NCOA7: variants seen among roughly 807,000 people sequenced by gnomAD.
The protein encoded by NCOA7 is nuclear receptor coactivator 7.
NCOA7 carries 45 observed loss-of-function variants against 104.3 expected under a neutral mutation model. The observed-to-expected ratio is 0.43, with a 90% CI of 0.34 to 0.55. The LOEUF (loss-of-function observed/expected upper bound fraction) is 0.55. NCOA7 is among the 20% of genes least tolerant of loss of function. The pLI is 0.02. For missense variants in NCOA7, 1,041 were observed against 1,119.7 expected (o/e 0.93, Z 1.00); for synonymous variants, 398 against 402.3 (o/e 0.99, Z 0.13).
At chr6:125,829,980 A>G (rs998407136) in intron 2 of NCOA7, among the ~76,000 whole-genome samples, 8 of 152,190 alleles carry the variant, frequency 5.3e-5, no homozygotes, top group South Asian at 2.1e-4. Flanking sequence ...GTGGGCTACC[A>G]TGCTAGGTTT....
At chr6:125,892,238 A>G (rs147270950) in intron 10 of NCOA7, among the ~76,000 whole-genome samples, 519 of 152,248 alleles carry the variant, frequency 3.4e-3, no homozygotes, top group African/African-American at 0.012. Context: ...GTTTTTTTCA[A>G]TTGTGTTATC....
At chr6:125,898,355 A>G (rs1008265783) in intron 10 of NCOA7, among the ~76,000 whole-genome samples, 2 of 152,192 alleles carry the variant, frequency 1.3e-5, no homozygotes, top group African/African-American at 2.4e-5. Flanking sequence ...AGATCATCCC[A>G]TGTTATCTTC....
At chr6:125,895,965 A>ATG (rs61017866) in intron 10 of NCOA7, among the ~76,000 whole-genome samples, 3,024 of 146,068 alleles carry the variant, frequency 0.021, 112 homozygotes, top group Admixed American at 0.11. Context: ...ATATGTATAT[A>ATG]TGTGTGTGTG....
At chr6:125,831,900 C>T (rs983757987) in intron 2 of NCOA7, among the ~76,000 whole-genome samples, 4 of 152,188 alleles carry the variant, frequency 2.6e-5, no homozygotes, top group South Asian at 2.1e-4. Context: ...TGTGCCTTCT[C>T]GCCATCCCCT....
chr6:125,888,387 G>A (rs1004019891), intron 8 of NCOA7, among the ~76,000 whole-genome samples: 27 of 152,200 alleles, frequency 1.8e-4, no homozygotes, highest in African/African-American at 6.0e-4. Flanking sequence ...ATGATTAGAA[G>A]CATCAGATCC....
Position 125,878,353 on chromosome 6 carries a change from A to G in NCOA7, c.442A>G (p.Thr148Ala). The G allele has an allele frequency of 6.2e-7, 1 of 1,610,476 alleles. No homozygotes were observed. Among genetic ancestry groups the G allele is most frequent in the South Asian group, 1.1e-5 (1 of 90,440 alleles). ...LVELNKLFTH[T>A]IVPGQVLFVP... ...GGAACTGAATAAACTTTTCACACAT[A>G]CTATTGTTCCAGGCCAGGTAATTAT... The change falls in exon 5 of 16, where the codon ACT (threonine) becomes GCT (alanine). Residue 148 changes from threonine to alanine, a missense_variant. This residue lies in a region of NCOA7 where 914 missense variants were observed against 942.7 expected (regional missense o/e 0.97). Transcript: ENST00000392477.
At chr6:125,812,564 A>G (rs1777127532) in intron 1 of NCOA7, among the ~76,000 whole-genome samples, 1 of 152,162 alleles carries the variant, frequency 6.6e-6, no homozygotes, top group African/African-American at 2.4e-5. Context: ...TCATCATCAT[A>G]TTGTTTTTTC....
chr6:125,794,944 G>A (rs776807418), intron 1 of NCOA7, among the ~76,000 whole-genome samples: 2 of 151,588 alleles, frequency 1.3e-5, no homozygotes, highest in African/African-American at 2.4e-5. Flanking sequence ...TCTGACCTTC[G>A]CGTCAGTGAT....
chr6:125,810,527 A>G (rs1776892287), intron 1 of NCOA7, among the ~76,000 whole-genome samples: 1 of 152,212 alleles, frequency 6.6e-6, no homozygotes, highest in Non-Finnish European at 1.5e-5. Flanking sequence ...AGAAGTCAGC[A>G]TTTAGATGAG....
chr6:125,870,835 A>C (rs1231435156), intron 3 of NCOA7, among the ~76,000 whole-genome samples: 1 of 152,162 alleles, frequency 6.6e-6, no homozygotes, highest in Non-Finnish European at 1.5e-5. Context: ...ACTTATGGAC[A>C]GGGCACCAAG....
intron 10 of NCOA7, among the ~76,000 whole-genome samples, chr6:125,914,500 A>G (rs1299736595): frequency 6.6e-6 from 1 of 152,206 alleles, no homozygotes; most frequent in Non-Finnish European, 1.5e-5. Flanking sequence ...TTGCAATTTT[A>G]TGTAATTATA....
chr6:125,905,631 TA>T (rs1448274241), intron 10 of NCOA7, among the ~76,000 whole-genome samples: 3 of 152,010 alleles, frequency 2.0e-5, no homozygotes, highest in African/African-American at 7.2e-5. Flanking sequence ...ACAAAGGGCA[TA>T]TACAGAAAGG....
At chr6:125,787,901 T>C (rs1196314055), upstream of NCOA7, among the ~76,000 whole-genome samples, 1 of 152,224 alleles carries the variant, frequency 6.6e-6, no homozygotes, top group Non-Finnish European at 1.5e-5. Flanking sequence ...ATATCCACCC[T>C]ATAAAGTTGG....
At chr6:125,917,135 A>G (rs536750577) in intron 11 of NCOA7, among the ~76,000 whole-genome samples, 27 of 150,186 alleles carry the variant, frequency 1.8e-4, no homozygotes, top group Admixed American at 7.2e-4. Flanking sequence ...ATTTTAAAAA[A>G]CTGAATCCTA....
intron 5 of NCOA7, among the ~76,000 whole-genome samples, chr6:125,879,503 A>T (rs1015765350): frequency 6.6e-6 from 1 of 152,144 alleles, no homozygotes; most frequent in Non-Finnish European, 1.5e-5. Context: ...ATCAGTCCTC[A>T]TCTTATATCC....
chr6:125,894,006 CA>C (rs1167006727), intron 10 of NCOA7, among the ~76,000 whole-genome samples: 3 of 152,294 alleles, frequency 2.0e-5, no homozygotes, highest in Admixed American at 6.5e-5. Context: ...GCAGTTTCCA[CA>C]ACTCTACTTA....
intron 1 of NCOA7, among the ~76,000 whole-genome samples, chr6:125,812,627 C>G (rs562142897): frequency 6.6e-6 from 1 of 152,210 alleles, no homozygotes; most frequent in Non-Finnish European, 1.5e-5. Flanking sequence ...TTCCTTTCCT[C>G]TAGCCTTCAC....
chr6:125,860,291 G>A (rs1781929869), intron 3 of NCOA7, among the ~76,000 whole-genome samples: 2 of 152,064 alleles, frequency 1.3e-5, no homozygotes, highest in Non-Finnish European at 2.9e-5. Flanking sequence ...AAGATGTTTG[G>A]TCTATATTAC....
chr6:125,890,066 AT>A, intron 9 of NCOA7, 85 bp downstream of exon 9: 1 of 1,013,508 alleles, frequency 9.9e-7, no homozygotes, highest in Non-Finnish European at 1.4e-6. Context: ...ACATTAGTAC[AT>A]TTATTTGAAA....
Sources: gnomAD v4.1 joint callset for allele counts (sites outside exome capture counted in the v4.1 genomes callset) on GRCh38, gnomAD v4.1.1 for gene constraint, gnomAD v4.1.1 regional missense constraint, MANE v1.5 for transcripts, NCBI Gene and HGNC (gene_info 2026-07-23, HGNC 2026-07-21) for gene names.